The following PDGFD variants were observed in gnomAD, a reference collection of about 807,000 sequenced individuals.
The protein encoded by PDGFD is platelet-derived growth factor D.
A neutral mutation model predicts 44.7 loss-of-function variants in PDGFD; 30 were observed. The observed-to-expected ratio is 0.67, with a 90% CI of 0.50 to 0.91. PDGFD has a LOEUF of 0.91. Ranked by LOEUF, PDGFD falls within the 40% of genes least tolerant of loss-of-function variation. The pLI is 0.00. For synonymous variants in PDGFD, 173 were observed against 168.4 expected (o/e 1.03, Z -0.21); for missense variants, 445 against 457.8 (o/e 0.97, Z 0.25).
intron 6 of PDGFD, among the ~76,000 whole-genome samples, chr11:103,925,920 G>A (rs1034722814): frequency 6.6e-6 from 1 of 151,750 alleles, no homozygotes; most frequent in Admixed American, 6.6e-5. Context: ...GTAGAGACGG[G>A]GTTTTGCCAT....
chr11:103,991,230 A>G (rs1859446938), intron 3 of PDGFD, among the ~76,000 whole-genome samples: 1 of 152,098 alleles, frequency 6.6e-6, no homozygotes. Context: ...CCAACTGGTA[A>G]ATTTTAGGTG....
intron 1 of PDGFD, among the ~76,000 whole-genome samples, chr11:104,061,946 G>A (rs1229097520): frequency 1.1e-5 from 1 of 95,060 alleles, no homozygotes; most frequent in Non-Finnish European, 2.0e-5. Context: ...GTTACAACTC[G>A]AAGAAGTTCA....
intron 1 of PDGFD, among the ~76,000 whole-genome samples, chr11:104,119,840 T>C (rs1376228201): frequency 9.1e-6 from 1 of 110,220 alleles, no homozygotes; most frequent in African/African-American, 3.5e-5. Flanking sequence ...TAATCAATTA[T>C]TATATATTAT....
chr11:104,006,200 A>G (rs920294634), intron 1 of PDGFD, among the ~76,000 whole-genome samples: 5 of 152,152 alleles, frequency 3.3e-5, no homozygotes, highest in African/African-American at 1.2e-4. Flanking sequence ...GTCTGTTAGG[A>G]ATGTAAATTC....
chr11:103,932,169 C>A (rs1005120992), intron 5 of PDGFD, among the ~76,000 whole-genome samples: 4 of 151,862 alleles, frequency 2.6e-5, no homozygotes, highest in African/African-American at 9.7e-5. Flanking sequence ...GTCCAACTTA[C>A]AATGGTTCAA....
At chr11:104,130,843 T>C (rs1315832836) in intron 1 of PDGFD, among the ~76,000 whole-genome samples, 4 of 152,226 alleles carry the variant, frequency 2.6e-5, no homozygotes, top group Non-Finnish European at 5.9e-5. Context: ...AACCTTCTGA[T>C]ACTTTTGGTT....
At chr11:103,967,892 C>T (rs1015626971) in intron 3 of PDGFD, among the ~76,000 whole-genome samples, 3 of 152,296 alleles carry the variant, frequency 2.0e-5, no homozygotes, top group African/African-American at 4.8e-5. Flanking sequence ...ACCCTTTACA[C>T]TCAAGCTTCT....
chr11:103,951,089 C>A (rs1180576933), intron 3 of PDGFD, among the ~76,000 whole-genome samples: 2 of 152,088 alleles, frequency 1.3e-5, no homozygotes, highest in Admixed American at 6.6e-5. Flanking sequence ...TAAAAGATTT[C>A]ATTAAGTCCC....
At chr11:104,131,179 C>T (rs1003414881) in intron 1 of PDGFD, among the ~76,000 whole-genome samples, 4 of 152,146 alleles carry the variant, frequency 2.6e-5, no homozygotes, top group South Asian at 2.1e-4. Flanking sequence ...CTGTTTCTGT[C>T]CTTTCTGCAG....
At chr11:103,926,769 G>A in intron 6 of PDGFD, 143 bp downstream of exon 6, 1 of 830,378 alleles carries the variant, frequency 1.2e-6, no homozygotes, top group Non-Finnish European at 1.9e-6. Context: ...GGCAAACCTA[G>A]TGTGGGTAGA....
At position 104,000,194 on chromosome 11, in the gene PDGFD, G is replaced by T. The variant is rs200532175; in HGVS notation, c.186C>A (p.Gly62=). The T allele has an allele frequency of 6.2e-7, 1 of 1,613,964 alleles. No homozygotes were observed. Among genetic ancestry groups the T allele is most frequent in the Non-Finnish European group, 8.5e-7 (1 of 1,180,000 alleles). ...TCGGGAATCTAGGACTCTGCACGTA[G>T]CCGTTTCCTTTCACCTGGATGGTCT... ...RDETIQVKGN[G]YVQSPRFPNS... The change falls in exon 2 of 7, where the codon GGC becomes GGA. Residue 62 remains glycine, a synonymous_variant. Transcript: ENST00000393158.
chr11:104,115,277 G>A (rs548091629), intron 1 of PDGFD, among the ~76,000 whole-genome samples: 4 of 146,810 alleles, frequency 2.7e-5, no homozygotes, highest in African/African-American at 1.0e-4. Context: ...ATATATGTAT[G>A]TATATACATA....
intron 1 of PDGFD, among the ~76,000 whole-genome samples, chr11:104,041,757 C>T (rs1310471583): frequency 6.6e-6 from 1 of 152,166 alleles, no homozygotes; most frequent in Non-Finnish European, 1.5e-5. Flanking sequence ...ATAATCTTAA[C>T]CTCTTTCTTA....
At chr11:103,992,775 A>T (rs560088122) in intron 3 of PDGFD, among the ~76,000 whole-genome samples, 1 of 152,362 alleles carries the variant, frequency 6.6e-6, no homozygotes, top group South Asian at 2.1e-4. Flanking sequence ...AAAACCGACT[A>T]AAAATGTACA....
At chr11:104,044,103 C>T (rs1860402954) in intron 1 of PDGFD, among the ~76,000 whole-genome samples, 1 of 152,004 alleles carries the variant, frequency 6.6e-6, no homozygotes, top group Admixed American at 6.6e-5. Context: ...ACTTTAATTC[C>T]AGGGAATAAC....
intron 1 of PDGFD, among the ~76,000 whole-genome samples, chr11:104,119,858 T>C (rs1187667540): frequency 1.1e-5 from 1 of 88,528 alleles, no homozygotes; most frequent in African/African-American, 4.0e-5. Context: ...TATATAATTA[T>C]ATTATATATA....
intron 1 of PDGFD, among the ~76,000 whole-genome samples, chr11:104,101,609 T>G (rs906038854): frequency 4.6e-5 from 7 of 152,082 alleles, no homozygotes; most frequent in Admixed American, 2.6e-4. Flanking sequence ...AAAAGAGCCC[T>G]CATCGCCAAG....
chr11:103,950,933 A>G (rs1412904617), intron 3 of PDGFD, among the ~76,000 whole-genome samples: 1 of 152,204 alleles, frequency 6.6e-6, no homozygotes, highest in Non-Finnish European at 1.5e-5. Flanking sequence ...GCATAGACAC[A>G]TGGTAAAAAT....
intron 1 of PDGFD, among the ~76,000 whole-genome samples, chr11:104,071,799 T>C (rs1363907744): frequency 6.6e-6 from 1 of 151,810 alleles, no homozygotes; most frequent in Non-Finnish European, 1.5e-5. Context: ...TAGCTTAATT[T>C]ATTTTTTACT....
Sources: allele counts gnomAD v4.1 joint callset (sites outside exome capture counted in the v4.1 genomes callset), GRCh38; gene constraint gnomAD v4.1.1; transcripts MANE v1.5; gene names NCBI Gene and HGNC (gene_info 2026-07-23, HGNC 2026-07-21).